The following SLC22A9 variants were observed in gnomAD, a reference collection of about 807,000 sequenced individuals.
SLC22A9 encodes solute carrier family 22 member 9.
Under a neutral mutation model 50.1 loss-of-function variants are expected in SLC22A9, and 64 were observed. That is an observed-to-expected ratio of 1.28 (90% CI 1.04 to 1.57). The LOEUF (loss-of-function observed/expected upper bound fraction) is 1.57, where lower values mean the gene tolerates loss of function less well. Among genes scored for constraint, SLC22A9 ranks in the 40% most tolerant of loss-of-function variants. SLC22A9 has a pLI of 0.00. For missense variants in SLC22A9, 757 were observed against 676.1 expected (o/e 1.12, Z -1.33); for synonymous variants, 261 against 242.5 (o/e 1.08, Z -0.71).
chr11:63,372,335 T>A (rs896397457), intron 2 of SLC22A9, among the ~76,000 whole-genome samples: 39 of 152,292 alleles, frequency 2.6e-4, no homozygotes, highest in African/African-American at 9.4e-4. Flanking sequence ...AAATAATCTA[T>A]AATTTCATTA....
At chr11:63,392,837 C>T (rs868539284) in intron 6 of SLC22A9, among the ~76,000 whole-genome samples, 1 of 152,028 alleles carries the variant, frequency 6.6e-6, no homozygotes, top group African/African-American at 2.4e-5. Flanking sequence ...TTTTAAAATT[C>T]TTGGTTTCTC....
At chr11:63,399,548 T>C (rs1471621835) in intron 6 of SLC22A9, among the ~76,000 whole-genome samples, 1 of 152,090 alleles carries the variant, frequency 6.6e-6, no homozygotes, top group Non-Finnish European at 1.5e-5. Flanking sequence ...CCTAGATATA[T>C]AAAGTAAATA....
intron 6 of SLC22A9, among the ~76,000 whole-genome samples, chr11:63,406,028 T>C (rs1417589220): frequency 6.6e-6 from 1 of 152,176 alleles, no homozygotes; most frequent in Non-Finnish European, 1.5e-5. Context: ...AGACAGGACT[T>C]GGTGGTTGAA....
chr11:63,370,280 T>A lies in SLC22A9; in HGVS notation c.224T>A (p.Ile75Asn), dbSNP rs1310199593. Residue 75 changes from isoleucine to asparagine, a missense_variant, in exon 1 of 10, where the codon ATC becomes AAC. Physicochemically the swap from Ile to Asn is moderately radical, Grantham distance 149 (BLOSUM62 -3). Coordinates refer to ENST00000279178, the MANE Select transcript of SLC22A9 (RefSeq NM_080866.3). The stretch of plus-strand genomic sequence containing the variant: ...CTCAGCCAAGATGCACTCTTGAGAA[T>A]CTCCATCCCACTGGACTCAAACATG... The part of the protein sequence containing the change: ...GALSQDALLR[I>N]SIPLDSNMRP... 2 of 1,614,012 alleles carry A rather than the reference T, an allele frequency of 1.2e-6. No individual in the cohort carries two copies. The highest frequency in any genetic ancestry group is 1.7e-6 in the Non-Finnish European group (2 of 1,179,914).
At chr11:63,392,418 C>T (rs2119957139) in intron 6 of SLC22A9, among the ~76,000 whole-genome samples, 1 of 152,096 alleles carries the variant, frequency 6.6e-6, no homozygotes, top group Non-Finnish European at 1.5e-5. Flanking sequence ...GATGAAATCC[C>T]TCAGTATTTG....
At chr11:63,371,424 A>G (rs1377732600) in intron 2 of SLC22A9, among the ~76,000 whole-genome samples, 186 bp downstream of exon 2, 1 of 152,206 alleles carries the variant, frequency 6.6e-6, no homozygotes, top group African/African-American at 2.4e-5. Context: ...TGTATGCAGG[A>G]CACAGAAATG....
intron 6 of SLC22A9, among the ~76,000 whole-genome samples, chr11:63,394,450 A>G (rs2014816797): frequency 1.3e-5 from 2 of 152,072 alleles, no homozygotes; most frequent in Non-Finnish European, 2.9e-5. Context: ...GCATTTGTTT[A>G]TCTGAAAAAG....
intron 6 of SLC22A9, among the ~76,000 whole-genome samples, chr11:63,396,446 C>T (rs534134674): frequency 5.1e-4 from 78 of 152,130 alleles, no homozygotes; most frequent in Non-Finnish European, 1.1e-3. Context: ...AAACTTCCTG[C>T]AAAGTAGACC....
Position 63,408,794 on chromosome 11 carries a change from C to T in SLC22A9, c.1516C>T (p.Pro506Ser), listed in dbSNP as rs757750562. 11 of 1,613,830 alleles carry T rather than the reference C, an allele frequency of 6.8e-6. No individual in the cohort carries two copies. In the South Asian group the frequency reaches 1.2e-4, roughly 18 times the overall value. ...GCCCTGGATCATCTATGGAGTCTTCCCCTTCATCTCTGGCTTTGCTTTCCT... is the reference window on the plus strand; with the variant it reads ...GCCCTGGATCATCTATGGAGTCTTCTCCTTCATCTCTGGCTTTGCTTTCCT... ...PLPWIIYGVF[P>S]FISGFAFLLL... Residue 506 changes from proline to serine, a missense_variant, in exon 9 of 10, where the codon CCC becomes TCC. By Grantham distance (74) the Pro-to-Ser change is moderately conservative. Coordinates refer to ENST00000279178, the MANE Select transcript of SLC22A9 (RefSeq NM_080866.3).
rs760675151 is a variant in SLC22A9, at chr11:63,406,505, AC to A, written c.1083del (p.Phe362LeufsTer40). On this transcript the variant is annotated frameshift_variant, in exon 7 of 10. Coordinates refer to ENST00000279178, the MANE Select transcript of SLC22A9 (RefSeq NM_080866.3). LOFTEE classifies it high-confidence loss of function. ...ISLLSFTRFA[N>X]FMAYFGLNLH... ...CTTTTTAATCATCACAGATTTGCAA[AC>A]TTTATGGCCTATTTTGGCCTTAATC... 1.2e-6 allele frequency: 2 copies of A among 1,613,380 alleles called. No individual in the cohort carries two copies. The highest frequency in any genetic ancestry group is 2.7e-5 in the African/African-American group (2 of 74,890).
chr11:63,377,182 C>T (rs916933182), intron 5 of SLC22A9, among the ~76,000 whole-genome samples: 1 of 152,074 alleles, frequency 6.6e-6, no homozygotes, highest in East Asian at 1.9e-4. Flanking sequence ...CTAAACTCAA[C>T]ACTTGACCAA....
chr11:63,403,269 G>A (rs763763010), intron 6 of SLC22A9, among the ~76,000 whole-genome samples: 11 of 152,046 alleles, frequency 7.2e-5, no homozygotes, highest in Non-Finnish European at 1.2e-4. Flanking sequence ...AAGACGATTG[G>A]GGGATGGCAG....
intron 4 of SLC22A9, 111 bp from the exon 5 acceptor site, chr11:63,375,534 C>T: frequency 6.8e-7 from 1 of 1,462,742 alleles, no homozygotes; most frequent in Non-Finnish European, 9.2e-7. Flanking sequence ...CCTGGTAAAA[C>T]CAAACAAGTG....
chr11:63,370,050 A>T lies in SLC22A9; in HGVS notation c.-7A>T, dbSNP rs763432096. On this transcript the variant is annotated 5_prime_UTR_variant, in exon 1 of 10. Coordinates refer to ENST00000279178, the MANE Select transcript of SLC22A9 (RefSeq NM_080866.3). Reference sequence around the variant, plus strand: ...GCCTCTACTTGAGGATCAACTGTTCAACCTCAATGGCCTTTCAGGACCTCC... The same window carrying T: ...GCCTCTACTTGAGGATCAACTGTTCTACCTCAATGGCCTTTCAGGACCTCC... The T allele has an allele frequency of 4.1e-5, 66 of 1,605,802 alleles. No homozygotes were observed. In the East Asian group the frequency reaches 1.4e-3, roughly 33 times the overall value.
At chr11:63,402,930 A>G (rs1303115988) in intron 6 of SLC22A9, among the ~76,000 whole-genome samples, 2 of 152,120 alleles carry the variant, frequency 1.3e-5, no homozygotes, top group African/African-American at 4.8e-5. Flanking sequence ...TGAAGTTCAC[A>G]CATATACATG....
intron 6 of SLC22A9, among the ~76,000 whole-genome samples, chr11:63,384,367 C>T (rs60661472): frequency 0.018 from 2,709 of 152,234 alleles, 73 homozygotes; most frequent in African/African-American, 0.062. Flanking sequence ...TGTTCAGCTC[C>T]CACTTATAAG....
intron 6 of SLC22A9, among the ~76,000 whole-genome samples, chr11:63,385,106 G>GTTTTTTTTTTTT (rs149124193): frequency 1.3e-4 from 10 of 76,530 alleles, no homozygotes; most frequent in African/African-American, 1.6e-4. Context: ...TGATGATACA[G>GTTTTTTTTTTTT]TTTTTTTTTT....
chr11:63,390,074 A>G (rs1043136169), intron 6 of SLC22A9, among the ~76,000 whole-genome samples: 11 of 152,144 alleles, frequency 7.2e-5, no homozygotes, highest in Non-Finnish European at 1.5e-4. Flanking sequence ...TCTGGATATT[A>G]GGCCTTTGTC....
chr11:63,370,990 C>A (rs1264121743), intron 1 of SLC22A9, 145 bp from the exon 2 acceptor site: 7 of 564,564 alleles, frequency 1.2e-5, no homozygotes, highest in African/African-American at 1.9e-5. Flanking sequence ...ACCTGAATAA[C>A]AAAGGTCAGG....
Sources: allele counts gnomAD v4.1 joint callset (sites outside exome capture counted in the v4.1 genomes callset), GRCh38; gene constraint gnomAD v4.1.1; transcripts MANE v1.5; gene names NCBI Gene and HGNC (gene_info 2026-07-23, HGNC 2026-07-21).